RNF24: variants seen among roughly 807,000 people sequenced by gnomAD.
RNF24 encodes ring finger protein 24.
A neutral mutation model predicts 20.0 loss-of-function variants in RNF24; 14 were observed. The ratio of observed to expected loss-of-function variants is 0.70; its 90% CI spans 0.46 to 1.10. The LOEUF (loss-of-function observed/expected upper bound fraction) is 1.10. Among genes scored for constraint, RNF24 ranks in the 50% least tolerant of loss-of-function variants. The pLI is 0.00. For synonymous variants in RNF24, 45 were observed against 61.1 expected (o/e 0.74, Z 1.23); for missense variants, 124 against 177.6 (o/e 0.70, Z 1.71).
At chr20:3,945,963 G>A (rs2091011601) in intron 3 of RNF24, among the ~76,000 whole-genome samples, 1 of 151,982 alleles carries the variant, frequency 6.6e-6, no homozygotes, top group African/African-American at 2.4e-5. Context: ...TGGATTTGAG[G>A]GTAAATCCTG....
intron 1 of RNF24, among the ~76,000 whole-genome samples, chr20:3,980,876 G>A (rs900056152): frequency 3.3e-5 from 5 of 151,808 alleles, no homozygotes; most frequent in Non-Finnish European, 5.9e-5. Context: ...TAATAACCCT[G>A]GGCTCCATTC....
At chr20:3,997,913 A>G (rs1750385369) in intron 1 of RNF24, among the ~76,000 whole-genome samples, 4 of 152,248 alleles carry the variant, frequency 2.6e-5, no homozygotes, top group Admixed American at 2.6e-4. Flanking sequence ...TAAGTATCGC[A>G]GTCCAAATGC....
chr20:4,014,422 A>T (rs1372890008), intron 1 of RNF24, among the ~76,000 whole-genome samples: 4 of 152,156 alleles, frequency 2.6e-5, no homozygotes, highest in Admixed American at 2.0e-4. Context: ...CATTCGGACA[A>T]ATTATCAATG....
intron 1 of RNF24, among the ~76,000 whole-genome samples, chr20:4,012,256 T>C (rs1374432341): frequency 6.6e-6 from 1 of 151,344 alleles, no homozygotes; most frequent in Non-Finnish European, 1.5e-5. Context: ...CTACTAAAAA[T>C]ACAAAAAAAA....
intron 1 of RNF24, among the ~76,000 whole-genome samples, chr20:3,965,862 A>C (rs1318896838): frequency 2.0e-5 from 3 of 152,168 alleles, no homozygotes; most frequent in Non-Finnish European, 4.4e-5. Flanking sequence ...GGCCAGGTGC[A>C]GTGGCTCACA....
At chr20:3,995,102 A>T (rs1031146990) in intron 1 of RNF24, among the ~76,000 whole-genome samples, 2 of 152,202 alleles carry the variant, frequency 1.3e-5, no homozygotes, top group African/African-American at 4.8e-5. Context: ...AGAGGCAGTA[A>T]CCTTACAGAG....
chr20:3,961,100 C>A (rs1314523525), intron 2 of RNF24, among the ~76,000 whole-genome samples: 1 of 152,024 alleles, frequency 6.6e-6, no homozygotes, highest in East Asian at 1.9e-4. Flanking sequence ...GCCTGTTAGG[C>A]TGATTATAAA....
At position 3,930,194 on chromosome 20, in the gene RNF24, A is replaced by C. The variant is rs995597643; in HGVS notation, c.*3869T>G. On this transcript the variant is annotated 3_prime_UTR_variant, in exon 6 of 6. Transcript: ENST00000358395. The stretch of plus-strand genomic sequence containing the variant: ...ACTTTATGATTTGTGAACCACATGA[A>C]TGGATTACCTATTCAAAACATTAAG... 2.0e-5 allele frequency: 3 copies of C among 152,222 alleles called. No homozygotes were observed. Among genetic ancestry groups the C allele is most frequent in the African/African-American group, 7.2e-5 (3 of 41,458 alleles). The allele number at this position is 152,222 out of a possible 1,614,324, so 9.4% of individuals were successfully genotyped here. A position where few individuals can be genotyped will look rare whatever the true frequency, so the allele number is the denominator to read the frequency against.
At chr20:4,002,557 A>G (rs913030809) in intron 1 of RNF24, among the ~76,000 whole-genome samples, 2 of 152,244 alleles carry the variant, frequency 1.3e-5, no homozygotes, top group African/African-American at 4.8e-5. Context: ...CTAGCAGAAA[A>G]GTCTGAAAAA....
intron 1 of RNF24, among the ~76,000 whole-genome samples, chr20:4,003,482 C>T (rs114644736): frequency 0.01 from 1,538 of 152,172 alleles, 17 homozygotes; most frequent in African/African-American, 0.035. Flanking sequence ...GAAACATCTT[C>T]AAAGCATAAA....
intron 1 of RNF24, among the ~76,000 whole-genome samples, chr20:3,993,237 G>T (rs1980596568): frequency 2.6e-5 from 4 of 152,036 alleles, no homozygotes; most frequent in Non-Finnish European, 4.4e-5. Context: ...GAAAAGTCAG[G>T]CTAGCTGCCC....
intron 2 of RNF24, among the ~76,000 whole-genome samples, chr20:3,960,075 G>C (rs537352905): frequency 6.6e-6 from 1 of 152,292 alleles, no homozygotes; most frequent in East Asian, 1.9e-4. Flanking sequence ...CTACAATCCT[G>C]TGTAAGACTG....
At chr20:3,998,683 G>A (rs1981120126) in intron 1 of RNF24, among the ~76,000 whole-genome samples, 1 of 149,902 alleles carries the variant, frequency 6.7e-6, no homozygotes, top group Admixed American at 6.7e-5. Flanking sequence ...TTGAACCCAG[G>A]AGGCGGTGGT....
At chr20:3,962,787 T>A (rs1294506879) in intron 2 of RNF24, among the ~76,000 whole-genome samples, 1 of 151,852 alleles carries the variant, frequency 6.6e-6, no homozygotes, top group African/African-American at 2.4e-5. Flanking sequence ...CTTGGCTCAC[T>A]GCAATCTCTC....
intron 1 of RNF24, among the ~76,000 whole-genome samples, chr20:4,014,350 T>G (rs1472667894): frequency 1.3e-5 from 2 of 152,194 alleles, no homozygotes; most frequent in Non-Finnish European, 2.9e-5. Context: ...CTGCCTGTAT[T>G]CAGGAGCGGA....
intron 1 of RNF24, among the ~76,000 whole-genome samples, chr20:4,012,991 T>G (rs1300910367): frequency 6.6e-6 from 1 of 152,194 alleles, no homozygotes; most frequent in Non-Finnish European, 1.5e-5. Context: ...TTAGTGACTT[T>G]AGTTAGTAAA....
chr20:3,930,983 G>C lies in RNF24; in HGVS notation c.*3080C>G, dbSNP rs1443642983. 6.6e-6 allele frequency: 1 copy of C among 152,236 alleles called. No homozygotes were observed. The highest frequency in any genetic ancestry group is 6.5e-5 in the Admixed American group (1 of 15,282). 9.4% of individuals were successfully genotyped at this position (152,236 alleles called of 1,614,324 possible). A position where few individuals can be genotyped will look rare whatever the true frequency, so the allele number is the denominator to read the frequency against. On this transcript the variant is annotated 3_prime_UTR_variant, in exon 6 of 6. Transcript: ENST00000358395. ...CAAGGACCTTATCTGCCAGGGACAG[G>C]CCTAACCAAATCACACGTGGCAAAG...
intron 2 of RNF24, among the ~76,000 whole-genome samples, chr20:3,949,728 T>C (rs1363565895): frequency 6.6e-6 from 1 of 152,124 alleles, no homozygotes; most frequent in Non-Finnish European, 1.5e-5. Context: ...CTATGGGTAG[T>C]TTATGAGAGT....
intron 1 of RNF24, among the ~76,000 whole-genome samples, chr20:3,975,839 T>C (rs547063319): frequency 2.0e-5 from 3 of 152,010 alleles, no homozygotes; most frequent in South Asian, 2.1e-4. Flanking sequence ...GAACAAATCC[T>C]TTCTCAGAGC....
Sources: gnomAD v4.1 joint callset for allele counts (sites outside exome capture counted in the v4.1 genomes callset) on GRCh38, gnomAD v4.1.1 for gene constraint, MANE v1.5 for transcripts, NCBI Gene and HGNC (gene_info 2026-07-23, HGNC 2026-07-21) for gene names.